MACROH2A1: variants seen among roughly 807,000 people sequenced by gnomAD.
MACROH2A1 encodes the protein core histone macro-H2A.1.
Under a neutral mutation model 31.6 loss-of-function variants are expected in MACROH2A1, and 2 were observed. The ratio of observed to expected loss-of-function variants is 0.06; its 90% CI spans 0.03 to 0.20. MACROH2A1 has a LOEUF of 0.20. MACROH2A1 is among the 10% of genes least tolerant of loss of function. MACROH2A1 has a pLI of 1.00. For missense variants in MACROH2A1, 230 were observed against 474.0 expected, an observed-to-expected ratio of 0.49 and a Z score of 4.78; for synonymous variants, 169 against 189.6, an observed-to-expected ratio of 0.89 and a Z score of 0.89.
chr5:135,381,970 G>C (rs560411928), intron 2 of MACROH2A1, among the ~76,000 whole-genome samples: 7 of 152,214 alleles, frequency 4.6e-5, no homozygotes, highest in Non-Finnish European at 8.8e-5. Flanking sequence ...AACCGAAGTG[G>C]AGGACACTTA....
intron 1 of MACROH2A1, among the ~76,000 whole-genome samples, chr5:135,394,856 G>T (rs1405339062): frequency 6.6e-6 from 1 of 152,168 alleles, no homozygotes; most frequent in Non-Finnish European, 1.5e-5. Context: ...CCAGCTACAA[G>T]GTAGCTGATT....
In MACROH2A1 at chr5:135,354,958, G is replaced by A. The variant is rs977669657; in HGVS notation, c.589-1913C>T. The A allele has an allele frequency of 6.9e-5, 28 of 407,994 alleles. No individual in the cohort carries two copies. In the Admixed American group the frequency reaches 7.5e-4, roughly 11 times the overall value. 25.3% of individuals were successfully genotyped at this position (407,994 alleles called of 1,614,324 possible). A position where few individuals can be genotyped will look rare whatever the true frequency, so the allele number is the denominator to read the frequency against. On this transcript the variant is annotated intron_variant, in intron 5 of 8. Transcript: ENST00000511689. ...TCGATCTACTCAGTGTAATGTGGAT[G>A]TGTATGCTTTTAAGGCACCTATAAA...
chr5:135,346,116 C>G, intron 6 of MACROH2A1, 59 bp from the exon 7 acceptor site: 4 of 966,600 alleles, frequency 4.1e-6, no homozygotes, highest in Non-Finnish European at 6.8e-6. Context: ...CACACAGACA[C>G]TTAGCATGTC....
intron 2 of MACROH2A1, among the ~76,000 whole-genome samples, chr5:135,378,008 C>T (rs1345382218): frequency 1.3e-5 from 2 of 152,200 alleles, no homozygotes; most frequent in African/African-American, 2.4e-5. Flanking sequence ...TGCTGTCTGC[C>T]GGTGTGGATT....
At chr5:135,345,748 A>G (rs1371323951) in intron 7 of MACROH2A1, 7 of 516,974 alleles carry the variant, frequency 1.4e-5, no homozygotes, top group Non-Finnish European at 2.4e-5. Flanking sequence ...AACATATAGG[A>G]GCTATTTTAA....
At chr5:135,376,515 G>T (rs1224026498) in intron 2 of MACROH2A1, among the ~76,000 whole-genome samples, 2 of 152,176 alleles carry the variant, frequency 1.3e-5, no homozygotes, top group African/African-American at 2.4e-5. Flanking sequence ...TCCTTGTCAG[G>T]AAGTTTTCCT....
intron 2 of MACROH2A1, among the ~76,000 whole-genome samples, chr5:135,373,280 G>A (rs564090212): frequency 2.0e-5 from 3 of 151,966 alleles, no homozygotes; most frequent in Non-Finnish European, 4.4e-5. Flanking sequence ...CAGGAAAAAT[G>A]AGAATGATGG....
intron 6 of MACROH2A1, among the ~76,000 whole-genome samples, chr5:135,350,248 C>T (rs1761353035): frequency 6.6e-6 from 1 of 151,938 alleles, no homozygotes; most frequent in Non-Finnish European, 1.5e-5. Context: ...CTAAGGATAC[C>T]ATGTCAGATT....
At chr5:135,351,166 G>A (rs1354708030) in intron 6 of MACROH2A1, 1 of 357,176 alleles carries the variant, frequency 2.8e-6, no homozygotes, top group Non-Finnish European at 5.1e-6. Flanking sequence ...ACACACATGA[G>A]ATCATTTCCA....
At chr5:135,360,822 G>A (rs576674173) in intron 4 of MACROH2A1, 54 of 672,462 alleles carry the variant, frequency 8.0e-5, no homozygotes, top group East Asian at 7.4e-4. Flanking sequence ...CTTTATGATC[G>A]TAAAAAAAAA....
intron 8 of MACROH2A1, among the ~76,000 whole-genome samples, chr5:135,336,471 T>TG (rs1281693073): frequency 2.0e-5 from 3 of 152,052 alleles, no homozygotes; most frequent in East Asian, 1.9e-4. Flanking sequence ...GGGCAATTAG[T>TG]GGGGGGCAAC....
At chr5:135,335,599 C>T (rs1758520439) in intron 8 of MACROH2A1, among the ~76,000 whole-genome samples, 1 of 152,142 alleles carries the variant, frequency 6.6e-6, no homozygotes, top group Admixed American at 6.5e-5. Flanking sequence ...TACCCCTTCA[C>T]ACCAGGGGCC....
At chr5:135,379,254 C>T (rs1367710250) in intron 2 of MACROH2A1, among the ~76,000 whole-genome samples, 2 of 152,198 alleles carry the variant, frequency 1.3e-5, no homozygotes, top group African/African-American at 4.8e-5. Context: ...TATCTCAGCA[C>T]CAGGCGCTAC....
intron 5 of MACROH2A1, chr5:135,357,741 T>A: frequency 2.0e-6 from 2 of 985,172 alleles, no homozygotes; most frequent in South Asian, 9.4e-5. Context: ...CAGCACTGAT[T>A]TCTTTTTTAA....
chr5:135,355,728 T>C lies in MACROH2A1; in HGVS notation c.589-2683A>G, dbSNP rs182436940. On this transcript the variant is annotated intron_variant, in intron 5 of 8. Coordinates refer to ENST00000511689, the MANE Select transcript of MACROH2A1 (RefSeq NM_138610.3). The stretch of plus-strand genomic sequence containing the variant: ...ATGAACGAAGACAGTAGCTCCACTA[T>C]ACAGAAGAAAGCCCATGAGCATAGC... 5.3e-3 allele frequency: 969 copies of C among 182,708 alleles called. 6 individuals carry two copies. Among genetic ancestry groups the C allele is most frequent in the Non-Finnish European group, 8.4e-3 (732 of 86,698 alleles). The allele number at this position is 182,708 out of a possible 1,614,324, so 11.3% of individuals were successfully genotyped here. A position where few individuals can be genotyped will look rare whatever the true frequency, so the allele number is the denominator to read the frequency against.
At chr5:135,337,042 A>G (rs958180658) in intron 8 of MACROH2A1, among the ~76,000 whole-genome samples, 1 of 152,080 alleles carries the variant, frequency 6.6e-6, no homozygotes, top group Non-Finnish European at 1.5e-5. Flanking sequence ...TGCTGAGAGG[A>G]GCTGTGAGAA....
At chr5:135,370,781 T>C (rs1764086066) in intron 2 of MACROH2A1, among the ~76,000 whole-genome samples, 1 of 152,220 alleles carries the variant, frequency 6.6e-6, no homozygotes, top group African/African-American at 2.4e-5. Flanking sequence ...CACTCCTTGA[T>C]GAAATTCTGA....
At chr5:135,381,106 G>T (rs916288803) in intron 2 of MACROH2A1, among the ~76,000 whole-genome samples, 1 of 152,174 alleles carries the variant, frequency 6.6e-6, no homozygotes, top group Non-Finnish European at 1.5e-5. Flanking sequence ...TGATAAAGGT[G>T]GCATCTCAGA....
intron 2 of MACROH2A1, among the ~76,000 whole-genome samples, chr5:135,373,455 C>T (rs2149865247): frequency 6.6e-6 from 1 of 152,292 alleles, no homozygotes; most frequent in African/African-American, 2.4e-5. Flanking sequence ...GCTTCGCAAG[C>T]TTTACCCCTT....
Sources: allele counts gnomAD v4.1 joint callset (sites outside exome capture counted in the v4.1 genomes callset), GRCh38; gene constraint gnomAD v4.1.1; transcripts MANE v1.5; gene names NCBI Gene and HGNC (gene_info 2026-07-23, HGNC 2026-07-21).